MCOLN1: variants seen among roughly 807,000 people sequenced by gnomAD.
MCOLN1 encodes the protein mucolipin TRP cation channel 1.
MCOLN1 carries 50 observed loss-of-function variants against 70.3 expected under a neutral mutation model. The observed-to-expected ratio is 0.71, with a 90% CI of 0.57 to 0.90. The LOEUF is 0.90. Ranked by LOEUF, MCOLN1 falls within the 40% of genes least tolerant of loss-of-function variation. The pLI, the probability that MCOLN1 is intolerant of heterozygous loss-of-function variation, is 0.00. For missense variants in MCOLN1, 598 were observed against 803.5 expected (o/e 0.74, Z 3.09); for synonymous variants, 366 against 341.0 (o/e 1.07, Z -0.81).
intron 5 of MCOLN1, 39 bp from the exon 6 acceptor site, chr19:7,527,825 C>A: frequency 6.6e-7 from 1 of 1,523,106 alleles, no homozygotes; most frequent in South Asian, 1.1e-5. Context: ...GGAAGGGACC[C>A]GAAGACGCCC....
Position 7,530,276 on chromosome 19 carries a change from C to A in MCOLN1, c.1360-10C>A, listed in dbSNP as rs752059298. Reference sequence around the variant, plus strand: ...CTTGGCTCCCTCTGACCCCGCCGCCCCTCTGGCAGTTCCGCTCACTCTCCA... The same window carrying A: ...CTTGGCTCCCTCTGACCCCGCCGCCACTCTGGCAGTTCCGCTCACTCTCCA... On this transcript the variant is annotated splice_polypyrimidine_tract_variant and intron_variant, in intron 11 of 13. Transcript: ENST00000264079. 2.5e-6 allele frequency: 4 copies of A among 1,611,342 alleles called. No homozygotes were observed. In the Admixed American group the frequency reaches 5.0e-5, roughly 20 times the overall value.
chr19:7,527,291 A>C (rs980923163), intron 4 of MCOLN1: 20 of 555,298 alleles, frequency 3.6e-5, no homozygotes, highest in African/African-American at 5.7e-5. Flanking sequence ...AAAAAAAAAA[A>C]AAAACAAGTA....
intron 12 of MCOLN1, among the ~76,000 whole-genome samples, chr19:7,531,612 C>G (rs2022653707): frequency 1.3e-5 from 2 of 152,170 alleles, no homozygotes; most frequent in Non-Finnish European, 2.9e-5. Flanking sequence ...CAACCCTGAC[C>G]CCAGCCCCCA....
rs1196589280 is a variant in MCOLN1 at position 7,526,127 on chromosome 19, C to CG, written c.238-310dup. 2 of 448,680 alleles carry CG rather than the reference C, an allele frequency of 4.5e-6. No homozygotes were observed. The highest frequency in any genetic ancestry group is 8.3e-6 in the Non-Finnish European group (2 of 241,078). The allele number at this position is 448,680 out of a possible 1,614,324, so 27.8% of individuals were successfully genotyped here. A position where few individuals can be genotyped will look rare whatever the true frequency, so the allele number is the denominator to read the frequency against. On this transcript the variant is annotated intron_variant, in intron 2 of 13. Transcript: ENST00000264079. The surrounding 1 kb of genome is among the most constrained non-coding windows in gnomAD (Gnocchi z 4.6). ...TGAAAGTTTGGGTTTAACACAGAAT[C>CG]GGACATCCAGTAAACATTTAATGAA...
Position 7,530,436 on chromosome 19 carries a change from C to T in MCOLN1, c.1510C>T (p.Leu504Phe), listed in dbSNP as rs752132579. Residue 504 changes from leucine to phenylalanine, a missense_variant, in exon 12 of 14, where the codon CTC (leucine) becomes TTC (phenylalanine). Leu to Phe is a conservative substitution (Grantham distance 22). Transcript: ENST00000264079. ...SQLYLYSFISLFIYMVLSLFI... is the reference protein window; with the variant it reads ...SQLYLYSFISFFIYMVLSLFI... Reference sequence around the variant, plus strand: ...GCTCTACCTTTACTCCTTCATCAGCCTCTTCATCTACATGGTGCTCAGCCT... The same window carrying T: ...GCTCTACCTTTACTCCTTCATCAGCTTCTTCATCTACATGGTGCTCAGCCT... 6.2e-7 allele frequency: 1 copy of T among 1,613,424 alleles called. No homozygotes were observed. The highest frequency in any genetic ancestry group is 1.1e-5 in the South Asian group (1 of 91,088).
At position 7,527,683 on chromosome 19, in the gene MCOLN1, ACT is replaced by A. The variant is rs775001723; in HGVS notation, c.680+59_680+60del. On this transcript the variant is annotated intron_variant, in intron 5 of 13. Coordinates refer to ENST00000264079, the MANE Select transcript of MCOLN1 (RefSeq NM_020533.3). ...GGGTGGGGGAGGCAGCACACTAGGC[ACT>A]CTCACCCCAGCAACTACTTCCCTAA... 3 of 1,277,510 alleles carry A rather than the reference ACT, an allele frequency of 2.3e-6. No homozygotes were observed. The East Asian group carries it at 6.9e-5, about 30-fold the overall frequency. 79.1% of individuals were successfully genotyped at this position (1,277,510 alleles called of 1,614,324 possible).
At chr19:7,527,679 A>T in intron 5 of MCOLN1, 51 bp downstream of exon 5, 1 of 1,302,956 alleles carries the variant, frequency 7.7e-7, no homozygotes, top group Non-Finnish European at 1.1e-6. Context: ...GCAGCACACT[A>T]GGCACTCTCA....
intron 11 of MCOLN1, 116 bp downstream of exon 11, chr19:7,529,828 C>G (rs577496870): frequency 8.8e-6 from 11 of 1,247,330 alleles, no homozygotes; most frequent in African/African-American, 1.5e-5. Flanking sequence ...CCCTGTGGTC[C>G]TTGGTGACCC....
chr19:7,529,291 G>A (rs1043987700), intron 10 of MCOLN1, 89 bp downstream of exon 10: 9 of 1,203,620 alleles, frequency 7.5e-6, no homozygotes, highest in African/African-American at 3.0e-5. Context: ...CACCAGCCCC[G>A]GCCAATGGCC....
At position 7,525,103 on chromosome 19, in the gene MCOLN1, C is replaced by T. The variant is rs1225943418; in HGVS notation, c.174C>T (p.Ala58=). ...TGAGTCCCTGCGACAAGTTTCGAGC[C>T]AAGGGCCGCAAGCCCTGCAAGCTGA... ...FFMSPCDKFR[A]KGRKPCKLML... is the part of the protein sequence containing the mutation. The change falls in exon 2 of 14, where the codon GCC becomes GCT. Residue 58 remains alanine (A), a synonymous_variant. Coordinates refer to ENST00000264079, the MANE Select transcript of MCOLN1 (RefSeq NM_020533.3). The surrounding 1 kb of genome is among the most constrained non-coding windows in gnomAD (Gnocchi z 4.2). The T allele has an allele frequency of 6.2e-7, 1 of 1,614,188 alleles. No individual in the cohort carries two copies.
At position 7,525,019 on chromosome 19, in the gene MCOLN1, G is replaced by A. The variant is rs773313990; in HGVS notation, c.90G>A (p.Pro30=). 42 of 1,613,402 alleles carry A rather than the reference G, an allele frequency of 2.6e-5. No individual in the cohort carries two copies. Among genetic ancestry groups the A allele is most frequent in the Middle Eastern group, 1.7e-4 (1 of 5,824 alleles). ...PGYGTQAGPS[P]APPTPPEEED... is the part of the protein sequence containing the mutation. ...ATGGGACCCAGGCGGGGCCTTCACC[G>A]GCCCCTCCGACACCCCCAGAAGAGG... Residue 30 remains proline, a synonymous_variant, in exon 2 of 14, where the codon CCG becomes CCA. Coordinates refer to ENST00000264079, the MANE Select transcript of MCOLN1 (RefSeq NM_020533.3). This position sits in a 1 kb window ranked among gnomAD's most constrained non-coding sequence, Gnocchi z 4.2.
chr19:7,531,817 G>A (rs555160589), intron 12 of MCOLN1, among the ~76,000 whole-genome samples: 1 of 152,088 alleles, frequency 6.6e-6, no homozygotes, highest in South Asian at 2.1e-4. Context: ...ATAGGCACAC[G>A]CCACCATGCC....
chr19:7,526,597 T>C lies in MCOLN1; in HGVS notation c.396T>C (p.Ala132=). 1 of 1,612,192 alleles carries C rather than the reference T, an allele frequency of 6.2e-7. No homozygotes were observed. The highest frequency in any genetic ancestry group is 8.5e-7 in the Non-Finnish European group (1 of 1,179,820). Residue 132 remains alanine (A), a synonymous_variant, in exon 3 of 14, where the codon GCT becomes GCC. Coordinates refer to ENST00000264079, the MANE Select transcript of MCOLN1 (RefSeq NM_020533.3). This position sits in a 1 kb window ranked among gnomAD's most constrained non-coding sequence, Gnocchi z 4.6. Reference sequence around the variant, plus strand: ...AGCTGTACCAGGCCATCTTCCATGCTGTGGACCAGGTGCTGGTGGGCGGGC... The same window carrying C: ...AGCTGTACCAGGCCATCTTCCATGCCGTGGACCAGGTGCTGGTGGGCGGGC... The part of the protein sequence containing the change: ...REQLYQAIFH[A]VDQYLALPDV...
rs121908371 is a variant in MCOLN1 at position 7,528,683 on chromosome 19, C to T, written c.964C>T (p.Arg322Ter). The change falls in exon 8 of 14, where the codon CGA becomes TGA. Residue 322 changes from arginine (R) to a stop codon, truncating the protein, a stop_gained. Transcript: ENST00000264079. LOFTEE classifies it high-confidence loss of function. The surrounding 1 kb of genome is among the most constrained non-coding windows in gnomAD (Gnocchi z 4.2). ...SFLLCARSLL[R>*]GFLLQNEFVG... ...CCTCCTCTGCGCCCGCTCACTCCTT[C>T]GAGGCTTCCTGCTGCAGAACGTGAG... 3.7e-6 allele frequency: 6 copies of T among 1,614,094 alleles called. No individual in the cohort carries two copies. Among genetic ancestry groups the T allele is most frequent in the African/African-American group, 1.3e-5 (1 of 74,938 alleles).
At position 7,526,653 on chromosome 19, in the gene MCOLN1, G is replaced by A. The variant is rs776185777; in HGVS notation, c.405+47G>A. The stretch of plus-strand genomic sequence containing the variant: ...CTGGTGGGCAGGCAGGTGCAGGTGG[G>A]CGGGCAGGTGCAGTTGGGCGGGCAG... On this transcript the variant is annotated intron_variant, in intron 3 of 13. Transcript: ENST00000264079. This position sits in a 1 kb window ranked among gnomAD's most constrained non-coding sequence, Gnocchi z 4.6. 1.3e-6 allele frequency: 2 copies of A among 1,598,152 alleles called. No individual in the cohort carries two copies. The highest frequency in any genetic ancestry group is 1.1e-5 in the South Asian group (1 of 90,522).
chr19:7,526,693 G>A lies in MCOLN1; in HGVS notation c.406-68G>A. 1 of 1,602,802 alleles carries A rather than the reference G, an allele frequency of 6.2e-7. No individual in the cohort carries two copies. The highest frequency in any genetic ancestry group is 1.1e-5 in the South Asian group (1 of 90,704). On this transcript the variant is annotated intron_variant, in intron 3 of 13. Transcript: ENST00000264079. This position sits in a 1 kb window ranked among gnomAD's most constrained non-coding sequence, Gnocchi z 4.6. ...TGGGCGGGCAGGTGCTGGTGGGCGG[G>A]CAGGTGCAGGTGGGTGGGCTGCAGA...
Position 7,533,516 on chromosome 19 carries a change from T to C in MCOLN1, c.1576-7T>C, listed in dbSNP as rs202183736. On this transcript the variant is annotated splice_polypyrimidine_tract_variant and splice_region_variant and intron_variant, in intron 12 of 13. Coordinates refer to ENST00000264079, the MANE Select transcript of MCOLN1 (RefSeq NM_020533.3). ...TTCAGGCTGAGCCTCCCGGCTTCTC[T>C]CCCCAGCATCCCGGCGGCGCAGGCG... The C allele has an allele frequency of 1.1e-5, 17 of 1,610,596 alleles. No homozygotes were observed. Among genetic ancestry groups the C allele is most frequent in the Middle Eastern group, 4.4e-4 (2 of 4,520 alleles).
chr19:7,529,501 G>GCCCCCCCCCCCCCCCCCCCC, intron 10 of MCOLN1, 89 bp from the exon 11 acceptor site: 4 of 747,250 alleles, frequency 5.4e-6, no homozygotes, highest in East Asian at 5.8e-5. Flanking sequence ...CCTCGGCAAG[G>GCCCCCCCCCCCCCCCCCCCC]CCCCGCCCCT....
intron 10 of MCOLN1, 45 bp from the exon 11 acceptor site, chr19:7,529,545 A>G: frequency 7.4e-7 from 1 of 1,345,336 alleles, no homozygotes; most frequent in Non-Finnish European, 1.0e-6. Context: ...AGCTGACCTG[A>G]GTTGTGGCCA....
Sources: gnomAD v4.1 joint callset for allele counts (sites outside exome capture counted in the v4.1 genomes callset) on GRCh38, gnomAD v4.1.1 for gene constraint, Gnocchi (gnomAD v3.1) non-coding constraint, MANE v1.5 for transcripts, NCBI Gene and HGNC (gene_info 2026-07-23, HGNC 2026-07-21) for gene names.